NLGN4X: variants seen among roughly 807,000 people sequenced by gnomAD.
NLGN4X encodes the protein neuroligin 4 X-linked.
A neutral mutation model predicts 40.3 loss-of-function variants in NLGN4X; 3 were observed. The observed-to-expected ratio is 0.07, with a 90% CI of 0.03 to 0.19. The LOEUF (loss-of-function observed/expected upper bound fraction) is 0.19. Ranked by LOEUF, NLGN4X falls within the 10% of genes least tolerant of loss-of-function variation. NLGN4X has a pLI of 1.00. For missense variants in NLGN4X, 382 were observed against 708.3 expected (o/e 0.54, Z 5.23); for synonymous variants, 270 against 306.8 (o/e 0.88, Z 1.25).
intron 1 of NLGN4X, among the ~76,000 whole-genome samples, chrX:6,215,349 G>C (rs1050179803): frequency 9.1e-6 from 1 of 110,264 alleles, no homozygotes; most frequent in Admixed American, 9.7e-5. Context: ...TCGGGAGTTC[G>C]AGACCAGCTG....
intron 2 of NLGN4X, among the ~76,000 whole-genome samples, chrX:6,097,882 G>C (rs1180434452): frequency 9.0e-6 from 1 of 111,143 alleles, no homozygotes; most frequent in African/African-American, 3.3e-5. Flanking sequence ...ATTTCAAATT[G>C]GTAACAAAGG....
intron 1 of NLGN4X, among the ~76,000 whole-genome samples, chrX:6,202,340 T>A (rs953285192): frequency 1.2e-5 from 1 of 82,442 alleles, no homozygotes; most frequent in Non-Finnish European, 2.3e-5. Context: ...TTCATTTTCT[T>A]TTTTTTTTTT....
At chrX:6,060,083 T>A (rs1362805599) in intron 2 of NLGN4X, among the ~76,000 whole-genome samples, 1 of 111,638 alleles carries the variant, frequency 9.0e-6, no homozygotes, top group Non-Finnish European at 1.9e-5. Context: ...TTCACTGCTT[T>A]CATTTCACAA....
At chrX:6,108,877 C>T (rs1234533996) in intron 2 of NLGN4X, among the ~76,000 whole-genome samples, 4 of 111,018 alleles carry the variant, frequency 3.6e-5, no homozygotes, top group Non-Finnish European at 7.6e-5. Flanking sequence ...ATCAGATGTT[C>T]CTGCAGCTGC....
chrX:6,050,266 T>C (rs145751466), intron 2 of NLGN4X, among the ~76,000 whole-genome samples: 4,766 of 111,664 alleles, frequency 0.043, 224 homozygotes, highest in African/African-American at 0.13. Context: ...CATGTGTGAT[T>C]ACAGATAGCT....
At chrX:6,106,743 A>G (rs1254447830) in intron 2 of NLGN4X, among the ~76,000 whole-genome samples, 2 of 111,985 alleles carry the variant, frequency 1.8e-5, no homozygotes, top group Non-Finnish European at 3.8e-5. Flanking sequence ...ATAATATTCC[A>G]TTGTCTGAAT....
chrX:5,927,033 T>C lies in NLGN4X; in HGVS notation c.626-17794A>G, dbSNP rs183671702. On this transcript the variant is annotated intron_variant, in intron 3 of 5. Coordinates refer to ENST00000381095, the MANE Select transcript of NLGN4X (RefSeq NM_181332.3). ...GGCCCCAGAGTGCTAAGAGGATACA[T>C]GTATGTACATATGTATGTATGTAAA... 2.3e-4 allele frequency among the ~76,000 whole-genome samples: 26 copies of C among 110,924 alleles called. No homozygotes were observed. The East Asian group carries it at 5.9e-3, about 25-fold the overall frequency.
chrX:6,224,870 C>T (rs915003374), intron 1 of NLGN4X, among the ~76,000 whole-genome samples: 11 of 104,329 alleles, frequency 1.1e-4, no homozygotes, highest in African/African-American at 3.9e-4. Flanking sequence ...AAAATGAAGC[C>T]TTCCATTTTA....
intron 3 of NLGN4X, among the ~76,000 whole-genome samples, chrX:5,943,692 A>T (rs757435334): frequency 3.0e-4 from 34 of 112,564 alleles, no homozygotes; most frequent in Non-Finnish European, 6.0e-4. Context: ...AATAATTTGA[A>T]CACAGAGTGA....
chrX:5,898,236 CTT>C (rs1295733092), intron 5 of NLGN4X, among the ~76,000 whole-genome samples: 1 of 90,833 alleles, frequency 1.1e-5, no homozygotes, highest in East Asian at 3.7e-4. Flanking sequence ...CCCCTTACCT[CTT>C]TCTTTCCTCC....
intron 3 of NLGN4X, among the ~76,000 whole-genome samples, chrX:5,967,805 A>G (rs940057265): frequency 1.4e-4 from 16 of 110,959 alleles, no homozygotes; most frequent in African/African-American, 4.6e-4. Context: ...ACTTCCTGTA[A>G]TATTTACAAT....
chrX:6,029,231 C>T (rs1047022432), intron 3 of NLGN4X, 49 bp downstream of exon 3: 1 of 1,193,334 alleles, frequency 8.4e-7, no homozygotes, highest in Non-Finnish European at 1.1e-6. Flanking sequence ...GAGAAGTGGA[C>T]TTTTCATGTT....
chrX:6,182,167 G>C (rs976464021), intron 1 of NLGN4X, among the ~76,000 whole-genome samples: 1 of 111,833 alleles, frequency 8.9e-6, no homozygotes, highest in Admixed American at 9.5e-5. Flanking sequence ...GTCATGAAAT[G>C]GGATAGAAAA....
At chrX:6,118,128 A>C (rs2039344306) in intron 2 of NLGN4X, among the ~76,000 whole-genome samples, 1 of 106,520 alleles carries the variant, frequency 9.4e-6, no homozygotes, top group Admixed American at 1.0e-4. Context: ...CCTCTTCCTC[A>C]CTGTCTTCTC....
chrX:5,986,231 A>G (rs2035527526), intron 3 of NLGN4X, among the ~76,000 whole-genome samples: 1 of 106,428 alleles, frequency 9.4e-6, no homozygotes, highest in South Asian at 3.7e-4. Context: ...CAAGAAATAA[A>G]CAAAGTATAA....
chrX:5,974,338 T>C (rs995991241), intron 3 of NLGN4X, among the ~76,000 whole-genome samples: 3 of 111,777 alleles, frequency 2.7e-5, no homozygotes, highest in East Asian at 2.8e-4. Context: ...AAATAGCACA[T>C]TGAAGAAAAA....
intron 1 of NLGN4X, among the ~76,000 whole-genome samples, chrX:6,186,350 T>C (rs1028780919): frequency 3.6e-5 from 4 of 112,436 alleles, no homozygotes; most frequent in Admixed American, 1.9e-4. Flanking sequence ...CCATAGGCCA[T>C]AGTTGACTCA....
intron 3 of NLGN4X, among the ~76,000 whole-genome samples, chrX:5,962,938 C>A (rs986733176): frequency 1.1e-5 from 1 of 93,234 alleles, no homozygotes; most frequent in African/African-American, 4.0e-5. Flanking sequence ...CCCCCCCCCA[C>A]CCCCACCCCC....
chrX:6,015,139 T>A (rs1341697242), intron 3 of NLGN4X, among the ~76,000 whole-genome samples: 2 of 112,125 alleles, frequency 1.8e-5, no homozygotes, highest in African/African-American at 6.5e-5. Flanking sequence ...TTACGATACT[T>A]GTCTGTCGTT....
Sources: gnomAD v4.1 joint callset for allele counts (sites outside exome capture counted in the v4.1 genomes callset) on GRCh38, gnomAD v4.1.1 for gene constraint, MANE v1.5 for transcripts, NCBI Gene and HGNC (gene_info 2026-07-23, HGNC 2026-07-21) for gene names.